FRMPD4: variants seen among roughly 807,000 people sequenced by gnomAD.
FRMPD4 encodes FERM and PDZ domain containing 4, also known as FERM and PDZ domain-containing protein 4.
Under a neutral mutation model 94.1 loss-of-function variants are expected in FRMPD4, and 22 were observed. The observed-to-expected ratio is 0.23, with a 90% CI of 0.17 to 0.33. FRMPD4 has a LOEUF of 0.33. Ranked by LOEUF, FRMPD4 falls within the 10% of genes least tolerant of loss-of-function variation. The probability of loss-of-function intolerance (pLI) is 1.00; values close to 1 mark genes in which losing one functional copy is unlikely to be tolerated. For synonymous variants in FRMPD4, 631 were observed against 548.6 expected, an observed-to-expected ratio of 1.15 and a Z score of -2.10; for missense variants, 1,111 against 1,339.9, an observed-to-expected ratio of 0.83 and a Z score of 2.67.
chrX:12,654,062 T>C (rs1012612537), intron 4 of FRMPD4, among the ~76,000 whole-genome samples: 4 of 112,363 alleles, frequency 3.6e-5, no homozygotes, highest in African/African-American at 9.7e-5. Context: ...TGAGCCACCG[T>C]GCCCAGCCAA....
intron 3 of FRMPD4, among the ~76,000 whole-genome samples, chrX:12,051,850 A>G (rs1026819665): frequency 7.2e-5 from 8 of 111,410 alleles, no homozygotes; most frequent in South Asian, 3.8e-4. Flanking sequence ...TCCCTTTCCT[A>G]CAAGTCTAGA....
At position 12,409,403 on chromosome X, in the gene FRMPD4, CTATT is replaced by C. The variant is rs963125484; in HGVS notation, c.42-89273_42-89270del. On this transcript the variant is annotated intron_variant, in intron 1 of 16. Coordinates refer to ENST00000675598, the MANE Select transcript of FRMPD4 (RefSeq NM_001368397.1). ...GGTTGTGCTTTCTCCAGCTGCTAAT[CTATT>C]TATCTGTGTGCCCCGCACTCTTACT... Among the ~76,000 whole-genome samples the C allele has an allele frequency of 4.5e-5, 5 of 111,778 alleles. No individual in the cohort carries two copies. The Admixed American group carries it at 4.8e-4, about 11-fold the overall frequency.
rs79210709 is a variant in FRMPD4, at chrX:12,183,828, A to G, written c.41+44816A>G. ...GAATATATAAATAGAAGCATTGAAC[A>G]TACACTTGGAGCTTTCTAAATTGAC... On this transcript the variant is annotated intron_variant, in intron 1 of 16. Coordinates refer to ENST00000675598, the MANE Select transcript of FRMPD4 (RefSeq NM_001368397.1). Among the ~76,000 whole-genome samples, 1,068 of 110,206 alleles carry G rather than the reference A, an allele frequency of 9.7e-3. 29 individuals are homozygous for G. The highest frequency in any genetic ancestry group is 0.086 in the East Asian group (295 of 3,427).
At chrX:12,525,592 C>T (rs932828972) in intron 2 of FRMPD4, among the ~76,000 whole-genome samples, 4 of 112,232 alleles carry the variant, frequency 3.6e-5, no homozygotes, top group Admixed American at 1.9e-4. Flanking sequence ...CTTTTGTGGC[C>T]GTTTCTACTG....
intron 1 of FRMPD4, among the ~76,000 whole-genome samples, chrX:12,266,186 A>G: frequency 9.3e-6 from 1 of 107,841 alleles, no homozygotes; most frequent in Non-Finnish European, 1.9e-5. Context: ...TGAACAGGCC[A>G]TAGTAGGAGA....
chrX:12,012,962 G>A (rs1388784693), intron 3 of FRMPD4, among the ~76,000 whole-genome samples: 1 of 111,510 alleles, frequency 9.0e-6, no homozygotes, highest in Non-Finnish European at 1.9e-5. Flanking sequence ...AGACTAAACT[G>A]ACGTATTTGA....
intron 1 of FRMPD4, among the ~76,000 whole-genome samples, chrX:12,286,220 A>G (rs1386093756): frequency 8.9e-6 from 1 of 112,081 alleles, no homozygotes; most frequent in Non-Finnish European, 1.9e-5. Flanking sequence ...TGTCCTTGAC[A>G]GATGTATTTT....
At chrX:12,072,926 T>G (rs1217341212) in intron 3 of FRMPD4, among the ~76,000 whole-genome samples, 1 of 107,563 alleles carries the variant, frequency 9.3e-6, no homozygotes, top group Non-Finnish European at 1.9e-5. Context: ...TATTTATATA[T>G]ATATGTATAT....
intron 3 of FRMPD4, among the ~76,000 whole-genome samples, chrX:12,081,357 T>A (rs1255202102): frequency 8.9e-6 from 1 of 111,965 alleles, no homozygotes; most frequent in Non-Finnish European, 1.9e-5. Context: ...TTTACTTACT[T>A]ACAGTTTAAT....
intron 2 of FRMPD4, among the ~76,000 whole-genome samples, chrX:12,542,431 T>C (rs1435107748): frequency 5.4e-5 from 6 of 112,134 alleles, no homozygotes; most frequent in African/African-American, 1.9e-4. Context: ...ACAAGCATTC[T>C]TATACACCAA....
chrX:11,875,289 G>A lies in FRMPD4; in HGVS notation c.-29-2606G>A, dbSNP rs757476705. On this transcript the variant is annotated intron_variant, in intron 2 of 18. Coordinates refer to the FRMPD4 transcript ENST00000640291. ...CTAGAAAATAAGCTCTTTGAGGGCA[G>A]GGACATGTCATTTAATTCTTTCATA... 5.9e-4 allele frequency among the ~76,000 whole-genome samples: 66 copies of A among 111,551 alleles called. 1 individual carries two copies. Among genetic ancestry groups the A allele is most frequent in the Non-Finnish European group, 1.1e-3 (56 of 53,090 alleles).
intron 4 of FRMPD4, among the ~76,000 whole-genome samples, chrX:12,632,674 G>A (rs1447702336): frequency 9.0e-6 from 1 of 111,014 alleles, no homozygotes; most frequent in African/African-American, 3.3e-5. Flanking sequence ...CCCAAGCAAT[G>A]GAACAGGGAG....
At chrX:12,467,314 C>T (rs1369422451) in intron 1 of FRMPD4, among the ~76,000 whole-genome samples, 1 of 111,723 alleles carries the variant, frequency 9.0e-6, no homozygotes, top group African/African-American at 3.3e-5. Flanking sequence ...GCTTGTTAAT[C>T]AAATTTCCAA....
At chrX:12,638,884 A>T (rs1408719377) in intron 4 of FRMPD4, among the ~76,000 whole-genome samples, 1 of 110,838 alleles carries the variant, frequency 9.0e-6, no homozygotes. Flanking sequence ...AATGTGCTTG[A>T]TCCTCACCAC....
At chrX:12,255,301 A>G (rs767055059) in intron 1 of FRMPD4, among the ~76,000 whole-genome samples, 1 of 111,320 alleles carries the variant, frequency 9.0e-6, no homozygotes, top group Non-Finnish European at 1.9e-5. Flanking sequence ...GGGAATGGTC[A>G]GTGTTTTCTG....
intron 8 of FRMPD4, among the ~76,000 whole-genome samples, chrX:12,692,903 C>A (rs957860768): frequency 9.0e-6 from 1 of 111,693 alleles, no homozygotes; most frequent in Non-Finnish European, 1.9e-5. Context: ...TCTTAGTGTC[C>A]CCAATTTCTT....
rs1016567675 is a variant in FRMPD4, at chrX:12,427,503, G to A, written c.42-71177G>A. Among the ~76,000 whole-genome samples the A allele has an allele frequency of 4.5e-5, 5 of 111,780 alleles. 1 individual carries two copies. The Admixed American group carries it at 4.7e-4, about 11-fold the overall frequency. ...GAACAGGACAATGCAAGAATAAAAG[G>A]AATGAAGCTAAAGGTTGGTGTCTTT... On this transcript the variant is annotated intron_variant, in intron 1 of 16. Coordinates refer to ENST00000675598, the MANE Select transcript of FRMPD4 (RefSeq NM_001368397.1).
At chrX:12,695,024 C>A (rs1409197944) in intron 9 of FRMPD4, among the ~76,000 whole-genome samples, 1 of 111,989 alleles carries the variant, frequency 8.9e-6, no homozygotes, top group Non-Finnish European at 1.9e-5. Context: ...CTGCAGGATC[C>A]CATTTTGCAC....
chrX:12,366,282 C>T (rs1395913246), intron 1 of FRMPD4, among the ~76,000 whole-genome samples: 2 of 111,884 alleles, frequency 1.8e-5, no homozygotes, highest in East Asian at 2.8e-4. Context: ...GATGGGACCT[C>T]GGGGCCATAG....
Sources: gnomAD v4.1 joint callset for allele counts (sites outside exome capture counted in the v4.1 genomes callset) on GRCh38, gnomAD v4.1.1 for gene constraint, MANE v1.5 for transcripts, NCBI Gene and HGNC (gene_info 2026-07-23, HGNC 2026-07-21) for gene names.